WDR77: variants seen among roughly 807,000 people sequenced by gnomAD.
The protein encoded by WDR77 is methylosome protein WDR77.
In WDR77, 31 loss-of-function variants were observed where a neutral mutation model predicts 44.0. The ratio of observed to expected loss-of-function variants is 0.70; its 90% CI spans 0.53 to 0.95. The LOEUF (loss-of-function observed/expected upper bound fraction) is 0.95, where lower values mean the gene tolerates loss of function less well. Ranked by LOEUF, WDR77 falls within the 40% of genes least tolerant of loss-of-function variation. WDR77 has a pLI of 0.00. For synonymous variants in WDR77, 186 were observed against 165.7 expected, an observed-to-expected ratio of 1.12 and a Z score of -0.94; for missense variants, 390 against 423.9, an observed-to-expected ratio of 0.92 and a Z score of 0.70.
chr1:111,443,638 C>T (rs1652904282), intron 6 of WDR77: 1 of 984,858 alleles, frequency 1.0e-6, no homozygotes, highest in Middle Eastern at 5.2e-4. Context: ...GCCCCTTTGT[C>T]CTACCATCTA....
chr1:111,447,138 C>G lies in WDR77; in HGVS notation c.450G>C (p.Lys150Asn). The G allele has an allele frequency of 6.2e-7, 1 of 1,614,160 alleles. No individual in the cohort carries two copies. The highest frequency in any genetic ancestry group is 1.3e-5 in the African/African-American group (1 of 75,032). ...AVSGSKDICIKVWDLAQQVVL... is the reference protein window; with the variant it reads ...AVSGSKDICINVWDLAQQVVL... ...CCACCTGCTGAGCAAGGTCCCAAAC[C>G]TTGATGCTAAGAAGCAAAAGCAAAC... is the stretch of plus-strand genomic sequence containing the variant. Residue 150 changes from lysine to asparagine, a missense_variant, in exon 4 of 10, where the codon AAG becomes AAC. Coordinates refer to ENST00000235090, the MANE Select transcript of WDR77 (RefSeq NM_024102.4).
At chr1:111,442,941 G>A (rs1360893153) in intron 7 of WDR77, among the ~76,000 whole-genome samples, 180 bp from the exon 8 acceptor site, 1 of 152,194 alleles carries the variant, frequency 6.6e-6, no homozygotes, top group African/African-American at 2.4e-5. Context: ...GAACGAAGCA[G>A]TTATTATTTT....
intron 4 of WDR77, 127 bp from the exon 5 acceptor site, chr1:111,444,251 T>C (rs1652930777): frequency 2.4e-6 from 2 of 847,472 alleles, no homozygotes; most frequent in Admixed American, 4.7e-5. Flanking sequence ...TTAACAAATT[T>C]TGTGGGAGAT....
intron 6 of WDR77, 192 bp downstream of exon 6, chr1:111,443,675 T>C: frequency 1.0e-6 from 1 of 985,422 alleles, no homozygotes; most frequent in Non-Finnish European, 1.2e-6. Flanking sequence ...ACCCAGGAAC[T>C]GGCCCTTCCT....
intron 9 of WDR77, among the ~76,000 whole-genome samples, 161 bp downstream of exon 9, chr1:111,441,864 G>A (rs1652830051): frequency 6.6e-6 from 1 of 152,156 alleles, no homozygotes; most frequent in South Asian, 2.1e-4. Flanking sequence ...CCCAGGAATG[G>A]ACAGGGTCAA....
At chr1:111,447,814 C>A (rs1406340587) in intron 2 of WDR77, among the ~76,000 whole-genome samples, 2 of 152,102 alleles carry the variant, frequency 1.3e-5, no homozygotes, top group Admixed American at 6.5e-5. Context: ...CAGAAAAAGA[C>A]AAAGATGGAA....
At chr1:111,443,572 T>C in intron 6 of WDR77, 178 bp from the exon 7 acceptor site, 1 of 892,352 alleles carries the variant, frequency 1.1e-6, no homozygotes, top group Non-Finnish European at 1.3e-6. Context: ...TCCTGCCCTT[T>C]CTGGACACGA....
chr1:111,444,113 G>C lies in WDR77; in HGVS notation c.505C>G (p.Gln169Glu), dbSNP rs377298504. ...GGAGAGGCAGCAACACAAGTGACCT[G>C]AGCAGCATGAGCTATAAAGGAGAGA... ...VLSSYRAHAA[Q>E]VTCVAASPHK... The change falls in exon 5 of 10, where the codon CAG becomes GAG. Residue 169 changes from glutamine (Q) to glutamate (E), a missense_variant. By Grantham distance (29) the Gln-to-Glu change is conservative. Transcript: ENST00000235090. 6 of 1,613,800 alleles carry C rather than the reference G, an allele frequency of 3.7e-6. No individual in the cohort carries two copies. In the Admixed American group the frequency reaches 8.3e-5, roughly 22 times the overall value.
At position 111,441,192 on chromosome 1, in the gene WDR77, A is replaced by T. The variant is rs1652797102; in HGVS notation, c.*38T>A. 1 of 1,425,632 alleles carries T rather than the reference A, an allele frequency of 7.0e-7. No homozygotes were observed. Among genetic ancestry groups the T allele is most frequent in the African/African-American group, 1.5e-5 (1 of 68,738 alleles). 88.3% of individuals were successfully genotyped at this position (1,425,632 alleles called of 1,614,324 possible). A position where few individuals can be genotyped will look rare whatever the true frequency, so the allele number is the denominator to read the frequency against. ...CTGAGAGGGCAGGGCAAAGAAGTGG[A>T]CACTCATGGGGGACTTGCTTTTTGT... On this transcript the variant is annotated 3_prime_UTR_variant, in exon 10 of 10. Transcript: ENST00000235090.
rs151188882 is a variant in WDR77, at chr1:111,439,998, T to C, written c.*1232A>G. 3 of 152,768 alleles carry C rather than the reference T, an allele frequency of 2.0e-5. No individual in the cohort carries two copies. In the East Asian group the frequency reaches 5.8e-4, roughly 29 times the overall value. The allele number at this position is 152,768 out of a possible 1,614,324, so 9.5% of individuals were successfully genotyped here. On this transcript the variant is annotated 3_prime_UTR_variant, in exon 10 of 10. Coordinates refer to ENST00000235090, the MANE Select transcript of WDR77 (RefSeq NM_024102.4). ...CCTTCAGACTTTCCCAGTTTCATAA[T>C]GTGATTTTTACCTAAATTGAACCTG... is the stretch of plus-strand genomic sequence containing the variant.
At chr1:111,442,557 G>C (rs1194554818) in intron 8 of WDR77, 96 bp downstream of exon 8, 3 of 797,618 alleles carry the variant, frequency 3.8e-6, no homozygotes, top group Non-Finnish European at 5.5e-6. Context: ...TCTGCTTTAA[G>C]GAACTACTTC....
chr1:111,442,995 T>C (rs780969838), intron 7 of WDR77, among the ~76,000 whole-genome samples: 16 of 152,192 alleles, frequency 1.1e-4, no homozygotes, highest in Admixed American at 2.6e-4. Flanking sequence ...ATGACCACGA[T>C]AGCGCTACAC....
intron 7 of WDR77, 111 bp from the exon 8 acceptor site, chr1:111,442,872 T>C: frequency 1.4e-6 from 1 of 701,666 alleles, no homozygotes; most frequent in Non-Finnish European, 2.2e-6. Flanking sequence ...GAGCATCAGT[T>C]TTCTCTTTTG....
chr1:111,441,254 A>G lies in WDR77; in HGVS notation c.1005T>C (p.Pro335=). 2 of 1,564,336 alleles carry G rather than the reference A, an allele frequency of 1.3e-6. No individual in the cohort carries two copies. Among genetic ancestry groups the G allele is most frequent in the Admixed American group, 1.9e-5 (1 of 51,850 alleles). Residue 335 remains proline, a synonymous_variant, in exon 10 of 10, where the codon CCT becomes CCC. Transcript: ENST00000235090. ...TCTACTCAGTAACACTTGCAGGTCC[A>G]GGGGCTGGGAGAGGTTCTGTGGGCA... is the stretch of plus-strand genomic sequence containing the variant. ...HVVPTEPLPA[P]GPASVTE
chr1:111,448,761 G>A lies in WDR77; in HGVS notation c.159C>T (p.Cys53=), dbSNP rs1318119403. ...LLGASSLSGR[C]WAGSLWLFKD... is the part of the protein sequence containing the mutation. Reference sequence around the variant, plus strand: ...TAAAAAGCCAGAGGGAGCCGGCCCAGCAGCGCCCACTCAGGCTGGAGGCCC... The same window carrying A: ...TAAAAAGCCAGAGGGAGCCGGCCCAACAGCGCCCACTCAGGCTGGAGGCCC... Residue 53 remains cysteine (C), a synonymous_variant, in exon 2 of 10, where the codon TGC becomes TGT. Coordinates refer to ENST00000235090, the MANE Select transcript of WDR77 (RefSeq NM_024102.4). 1.9e-6 allele frequency: 3 copies of A among 1,606,652 alleles called. No homozygotes were observed. The highest frequency in any genetic ancestry group is 1.7e-6 in the Non-Finnish European group (2 of 1,176,266).
chr1:111,448,704 G>A lies in WDR77; in HGVS notation c.216C>T (p.Phe72=), dbSNP rs900582371. 1 of 1,614,236 alleles carries A rather than the reference G, an allele frequency of 6.2e-7. No individual in the cohort carries two copies. The highest frequency in any genetic ancestry group is 1.7e-5 in the Admixed American group (1 of 60,034). Residue 72 remains phenylalanine, a synonymous_variant, in exon 2 of 10, where the codon TTC becomes TTT. Coordinates refer to ENST00000235090, the MANE Select transcript of WDR77 (RefSeq NM_024102.4). ...KDPCAAPNEG[F]CSAGVQTEAG... ...CCTCCGTTTGGACTCCGGCGGAGCA[G>A]AAGCCTTCGTTGGGGGCGGCACAGG...
In WDR77 at chr1:111,443,306, C is replaced by A; in HGVS notation, c.691+17G>T. The A allele has an allele frequency of 6.4e-7, 1 of 1,550,882 alleles. No individual in the cohort carries two copies. Among genetic ancestry groups the A allele is most frequent in the South Asian group, 1.2e-5 (1 of 83,982 alleles). ...CCCTTTCCCAGAGTCAATATGAAGT[C>A]TGACACGCTGCCTTACCAAAGACAA... is the stretch of plus-strand genomic sequence containing the variant. On this transcript the variant is annotated intron_variant, in intron 7 of 9. Coordinates refer to ENST00000235090, the MANE Select transcript of WDR77 (RefSeq NM_024102.4).
At chr1:111,442,147 A>AC in intron 8 of WDR77, 54 bp from the exon 9 acceptor site, 1 of 1,562,262 alleles carries the variant, frequency 6.4e-7, no homozygotes, top group Non-Finnish European at 8.8e-7. Context: ...CCAAGACAAA[A>AC]CCTTAACTGG....
Position 111,442,535 on chromosome 1 carries a change from G to C in WDR77, c.800+118C>G, listed in dbSNP as rs1460700026. 17 of 639,148 alleles carry C rather than the reference G, an allele frequency of 2.7e-5. No homozygotes were observed. In the East Asian group the frequency reaches 5.1e-4, roughly 19 times the overall value. The allele number at this position is 639,148 out of a possible 1,614,324, so 39.6% of individuals were successfully genotyped here. A position where few individuals can be genotyped will look rare whatever the true frequency, so the allele number is the denominator to read the frequency against. Reference sequence around the variant, plus strand: ...AGATCTTCGATGTTCCGAAACCTCAGCTAGAACACTGTCTGCTTTAAGGAA... The same window carrying C: ...AGATCTTCGATGTTCCGAAACCTCACCTAGAACACTGTCTGCTTTAAGGAA... On this transcript the variant is annotated intron_variant, in intron 8 of 9. Coordinates refer to ENST00000235090, the MANE Select transcript of WDR77 (RefSeq NM_024102.4).
Sources: allele counts gnomAD v4.1 joint callset (sites outside exome capture counted in the v4.1 genomes callset), GRCh38; gene constraint gnomAD v4.1.1; transcripts MANE v1.5; gene names NCBI Gene and HGNC (gene_info 2026-07-23, HGNC 2026-07-21).